Variants in CACNA1A observed in about 807,000 individuals in gnomAD.
CACNA1A encodes the protein voltage-dependent P/Q-type calcium channel subunit alpha-1A.
In CACNA1A, 57 loss-of-function variants were observed where a neutral mutation model predicts 262.4. That is an observed-to-expected ratio of 0.22 (90% confidence interval 0.18 to 0.27). CACNA1A has a LOEUF of 0.27. Ranked by LOEUF, CACNA1A falls within the 10% of genes least tolerant of loss-of-function variation. CACNA1A has a pLI of 1.00. For synonymous variants in CACNA1A, 1,431 were observed against 1,419.3 expected, an observed-to-expected ratio of 1.01 and a Z score of -0.18; for missense variants, 2,526 against 3,562.8, an observed-to-expected ratio of 0.71 and a Z score of 7.41.
At position 13,337,193 on chromosome 19, in the gene CACNA1A, G is replaced by A. The variant is rs1320622333; in HGVS notation, c.979-1284C>T. 2.0e-5 allele frequency among the ~76,000 whole-genome samples: 3 copies of A among 152,176 alleles called. No homozygotes were observed. The East Asian group carries it at 5.8e-4, about 29-fold the overall frequency. On this transcript the variant is annotated intron_variant, in intron 6 of 46. Coordinates refer to ENST00000360228, the MANE Select transcript of CACNA1A (RefSeq NM_001127222.2). ...GCTGTAACAAGGAACCACAACCTAG[G>A]TGGCTTAAACAACAAAGATTTATTG...
At chr19:13,269,457 G>A (rs1370995419) in intron 24 of CACNA1A, among the ~76,000 whole-genome samples, 4 of 152,158 alleles carry the variant, frequency 2.6e-5, no homozygotes, top group Admixed American at 6.5e-5. Context: ...TCAGGGGTGG[G>A]GGCTGTTTTG....
chr19:13,279,590 A>G (rs1338510421), intron 22 of CACNA1A, among the ~76,000 whole-genome samples: 3 of 151,892 alleles, frequency 2.0e-5, no homozygotes, highest in Non-Finnish European at 4.4e-5. Context: ...GGTTCAAGCA[A>G]TTCTTCTGCC....
intron 3 of CACNA1A, among the ~76,000 whole-genome samples, chr19:13,405,703 C>T (rs1207405376): frequency 6.6e-6 from 1 of 152,192 alleles, no homozygotes; most frequent in African/African-American, 2.4e-5. Context: ...GGCATCAGCT[C>T]CAAGTCACAC....
At chr19:13,482,725 T>A (rs901308553) in intron 1 of CACNA1A, among the ~76,000 whole-genome samples, 4 of 152,138 alleles carry the variant, frequency 2.6e-5, no homozygotes, top group Non-Finnish European at 5.9e-5. Context: ...GGCTGACCTG[T>A]GTGGATGGGC....
intron 38 of CACNA1A, among the ~76,000 whole-genome samples, chr19:13,216,750 A>T (rs564738314): frequency 6.2e-4 from 94 of 152,092 alleles, no homozygotes; most frequent in African/African-American, 2.2e-3. Flanking sequence ...GCTGTGGCAC[A>T]ATCTTTGTTC....
At chr19:13,357,357 AG>A (rs2059023595) in intron 6 of CACNA1A, among the ~76,000 whole-genome samples, 1 of 152,202 alleles carries the variant, frequency 6.6e-6, no homozygotes, top group African/African-American at 2.4e-5. Context: ...TAGGACCAAG[AG>A]GAAAGTTCAG....
In CACNA1A at chr19:13,214,623, T is replaced by C. The variant is rs757492924; in HGVS notation, c.5732-15A>G. The C allele has an allele frequency of 1.2e-6, 2 of 1,601,764 alleles. No individual in the cohort carries two copies. The highest frequency in any genetic ancestry group is 2.2e-5 in the East Asian group (1 of 44,756). ...GTCGGCTCCTCCTGCAATGGGGGTGTAGACAGACCCTGACTGCCTGCCTGG... is the reference window on the plus strand; with the variant it reads ...GTCGGCTCCTCCTGCAATGGGGGTGCAGACAGACCCTGACTGCCTGCCTGG... On this transcript the variant is annotated splice_polypyrimidine_tract_variant and intron_variant, in intron 38 of 46. Transcript: ENST00000360228. The surrounding 1 kb of genome is among the most constrained non-coding windows in gnomAD (Gnocchi z 4.1).
At chr19:13,363,591 G>A (rs1180188176) in intron 5 of CACNA1A, 3 of 152,072 alleles carry the variant, frequency 2.0e-5, no homozygotes, top group Non-Finnish European at 4.4e-5. Context: ...CCGTGGGGAG[G>A]AGTGGGGAGG....
rs1480156688 is a variant in CACNA1A at position 13,286,861 on chromosome 19, A to G, written c.3195T>C (p.Ile1065=). 1 of 1,613,544 alleles carries G rather than the reference A, an allele frequency of 6.2e-7. No homozygotes were observed. Among genetic ancestry groups the G allele is most frequent in the East Asian group, 2.2e-5 (1 of 44,856 alleles). ...GRQDPPLAED[I]DNMKNNKLAT... is the part of the protein sequence containing the mutation. ...CCAGCTTGTTGTTCTTCATGTTGTC[A>G]ATATCCTCTGCCAGGGGTGGGTCTT... The change falls in exon 20 of 47, where the codon ATT becomes ATC. Residue 1065 remains isoleucine, a synonymous_variant. Transcript: ENST00000360228.
intron 3 of CACNA1A, among the ~76,000 whole-genome samples, chr19:13,443,501 C>A (rs745738896): frequency 6.6e-6 from 1 of 151,974 alleles, no homozygotes; most frequent in Non-Finnish European, 1.5e-5. Flanking sequence ...ACCAACATAC[C>A]TGGCCAACTG....
chr19:13,339,667 T>A (rs1168163489), intron 6 of CACNA1A, among the ~76,000 whole-genome samples: 1 of 151,910 alleles, frequency 6.6e-6, no homozygotes, highest in African/African-American at 2.4e-5. Flanking sequence ...GAAACGTCAC[T>A]ATGTACCCCA....
rs373156685 is a variant in CACNA1A at position 13,427,227 on chromosome 19, G to A, written c.539+25649C>T. 3.6e-3 allele frequency among the ~76,000 whole-genome samples: 550 copies of A among 152,064 alleles called. 5 individuals are homozygous for A. Among genetic ancestry groups the A allele is most frequent in the African/African-American group, 0.012 (501 of 41,456 alleles). ...AGCACTTTGGGGGGCCGAGATGGGC[G>A]GATCACCTGAGGTCAGGAGTTCGAG... On this transcript the variant is annotated intron_variant, in intron 3 of 46. Coordinates refer to ENST00000360228, the MANE Select transcript of CACNA1A (RefSeq NM_001127222.2).
chr19:13,468,376 C>G (rs939495991), intron 1 of CACNA1A, among the ~76,000 whole-genome samples: 1 of 152,152 alleles, frequency 6.6e-6, no homozygotes, highest in Non-Finnish European at 1.5e-5. Flanking sequence ...TATGTTCACT[C>G]TACCAAGGGG....
At chr19:13,295,290 A>C (rs1243411843) in intron 19 of CACNA1A, among the ~76,000 whole-genome samples, 6 of 152,170 alleles carry the variant, frequency 3.9e-5, no homozygotes, top group African/African-American at 1.4e-4. Flanking sequence ...TAATAACATA[A>C]TGATTGAGGG....
chr19:13,241,832 C>G lies in CACNA1A; in HGVS notation c.4950+3350G>C, dbSNP rs2056089887. ...GCATGAAAAGAGACAAGACAAGAAA[C>G]ACAGTCATTATCCATTGCACACAGG... is the stretch of plus-strand genomic sequence containing the variant. On this transcript the variant is annotated intron_variant, in intron 31 of 46. Transcript: ENST00000360228. This position sits in a 1 kb window ranked among gnomAD's most constrained non-coding sequence, Gnocchi z 4.0. Among the ~76,000 whole-genome samples the G allele has an allele frequency of 6.6e-6, 1 of 152,138 alleles. No homozygotes were observed. The highest frequency in any genetic ancestry group is 1.5e-5 in the Non-Finnish European group (1 of 68,028).
At chr19:13,379,708 AAGGTCAGG>A (rs2059482128) in intron 3 of CACNA1A, among the ~76,000 whole-genome samples, 1 of 151,784 alleles carries the variant, frequency 6.6e-6, no homozygotes, top group South Asian at 2.1e-4. Context: ...GGCGGATCAC[AAGGTCAGG>A]AGTTCGAGAC....
chr19:13,386,222 C>T (rs572005301), intron 3 of CACNA1A, among the ~76,000 whole-genome samples: 49 of 152,142 alleles, frequency 3.2e-4, no homozygotes, highest in Admixed American at 1.5e-3. Flanking sequence ...CACCACTACC[C>T]GCCTTACTGG....
At chr19:13,470,469 T>C (rs944257176) in intron 1 of CACNA1A, among the ~76,000 whole-genome samples, 48 of 152,236 alleles carry the variant, frequency 3.2e-4, no homozygotes, top group African/African-American at 1.1e-3. Flanking sequence ...CAATCTTCCC[T>C]TTTTGCTCCT....
At chr19:13,272,301 CCTGCCCTA>C (rs2144816662) in intron 24 of CACNA1A, 1 of 152,408 alleles carries the variant, frequency 6.6e-6, no homozygotes, top group African/African-American at 2.4e-5. Flanking sequence ...CACCCCACTG[CCTGCCCTA>C]GTGCCCTGAG....
Sources: allele counts gnomAD v4.1 joint callset (sites outside exome capture counted in the v4.1 genomes callset), GRCh38; gene constraint gnomAD v4.1.1; non-coding constraint Gnocchi (gnomAD v3.1); transcripts MANE v1.5; gene names NCBI Gene and HGNC (gene_info 2026-07-23, HGNC 2026-07-21).